Variants in MBOAT1 observed in about 807,000 individuals in gnomAD.
MBOAT1 encodes the protein membrane-bound glycerophospholipid O-acyltransferase 1.
Under a neutral mutation model 64.4 loss-of-function variants are expected in MBOAT1, and 67 were observed. That is an observed-to-expected ratio of 1.04 (90% CI 0.85 to 1.27). The LOEUF (loss-of-function observed/expected upper bound fraction) is 1.27. Among genes scored for constraint, MBOAT1 ranks in the 50% most tolerant of loss-of-function variants. The pLI is 0.00. For missense variants in MBOAT1, 563 were observed against 604.6 expected, an observed-to-expected ratio of 0.93 and a Z score of 0.72; for synonymous variants, 229 against 218.9, an observed-to-expected ratio of 1.05 and a Z score of -0.41.
intron 1 of MBOAT1, among the ~76,000 whole-genome samples, chr6:20,170,187 T>C (rs941835586): frequency 1.3e-5 from 2 of 152,212 alleles, no homozygotes; most frequent in Non-Finnish European, 2.9e-5. Context: ...TGCTATGCCA[T>C]GTTACATGCC....
At chr6:20,204,551 T>C (rs936595334) in intron 1 of MBOAT1, among the ~76,000 whole-genome samples, 2 of 152,026 alleles carry the variant, frequency 1.3e-5, no homozygotes, top group African/African-American at 2.4e-5. Context: ...AAGGGGTCCA[T>C]TTGGCCCTGG....
chr6:20,208,825 C>G (rs755538691), intron 1 of MBOAT1, among the ~76,000 whole-genome samples: 1 of 152,180 alleles, frequency 6.6e-6, no homozygotes, highest in Non-Finnish European at 1.5e-5. Flanking sequence ...TTTCCAACCA[C>G]CAAATTGGAA....
intron 1 of MBOAT1, among the ~76,000 whole-genome samples, chr6:20,189,137 C>T (rs1044615538): frequency 6.6e-6 from 1 of 152,250 alleles, no homozygotes; most frequent in East Asian, 1.9e-4. Context: ...GGACATTTTG[C>T]ACCCCCTAAG....
At position 20,144,206 on chromosome 6, in the gene MBOAT1, T is replaced by C. The variant is rs1335999584; in HGVS notation, c.419+14A>G. 1.9e-6 allele frequency: 3 copies of C among 1,566,746 alleles called. No homozygotes were observed. The highest frequency in any genetic ancestry group is 1.7e-4 in the Middle Eastern group (1 of 5,948). On this transcript the variant is annotated intron_variant, in intron 4 of 12. Transcript: ENST00000324607. ...TCAGCAGTAAAACCCCTCTCTCTAATGTAAGATACTTACCCAGAAAAATCC... is the reference window on the plus strand; with the variant it reads ...TCAGCAGTAAAACCCCTCTCTCTAACGTAAGATACTTACCCAGAAAAATCC...
chr6:20,176,466 C>A (rs571304948), intron 1 of MBOAT1, among the ~76,000 whole-genome samples: 1 of 151,990 alleles, frequency 6.6e-6, no homozygotes, highest in South Asian at 2.1e-4. Flanking sequence ...GGTCCACTAC[C>A]CACCTTCTTC....
intron 1 of MBOAT1, among the ~76,000 whole-genome samples, chr6:20,183,235 A>T (rs1162703355): frequency 3.9e-5 from 6 of 152,238 alleles, no homozygotes; most frequent in African/African-American, 1.4e-4. Context: ...TGGAAAAAAA[A>T]ATATGTTTAC....
At chr6:20,137,742 A>T (rs368202434) in intron 4 of MBOAT1, among the ~76,000 whole-genome samples, 20 of 146,322 alleles carry the variant, frequency 1.4e-4, no homozygotes, top group Non-Finnish European at 2.7e-4. Context: ...ACACACACAC[A>T]CGTTGTTTAA....
rs1554118882 is a variant in MBOAT1 at position 20,152,340 on chromosome 6, A to AAAAAT, written c.245+283_245+284insATTTT. ...AGACTCCGTCTCAAAAAAAAAAAAT[A>AAAAAT]AAAAATAAATAAATAAATAAATAAA... On this transcript the variant is annotated intron_variant, in intron 2 of 12. Coordinates refer to ENST00000324607, the MANE Select transcript of MBOAT1 (RefSeq NM_001080480.3). 1.8e-3 allele frequency among the ~76,000 whole-genome samples: 34 copies of AAAAAT among 19,304 alleles called. 1 individual carries two copies. In the South Asian group the frequency reaches 0.05, roughly 29 times the overall value. The allele number at this position is 19,304 out of a possible 152,430, so 12.7% of individuals were successfully genotyped here.
chr6:20,144,237 G>A lies in MBOAT1; in HGVS notation c.402C>T (p.Leu134=), dbSNP rs763931686. Residue 134 remains leucine (L), a synonymous_variant, in exon 4 of 13, where the codon CTC becomes CTT. Transcript: ENST00000324607. ...ATACTTACCCAGAAAAATCCGTAGTGAGAATTCCATAGTGGAAGATGTATA... is the reference window on the plus strand; with the variant it reads ...ATACTTACCCAGAAAAATCCGTAGTAAGAATTCCATAGTGGAAGATGTATA... The part of the protein sequence containing the change: ...SRIYIFHYGI[L]TTDFSGPLMI... 1 of 1,610,880 alleles carries A rather than the reference G, an allele frequency of 6.2e-7. No homozygotes were observed.
At chr6:20,198,671 G>A (rs1763032438) in intron 1 of MBOAT1, among the ~76,000 whole-genome samples, 1 of 152,074 alleles carries the variant, frequency 6.6e-6, no homozygotes, top group Non-Finnish European at 1.5e-5. Context: ...TTTGCAGCAG[G>A]GAACCAAATC....
At chr6:20,168,621 GAGAAGAGAAGAGAAGAGAA>G (rs1425118706) in intron 1 of MBOAT1, among the ~76,000 whole-genome samples, 6 of 127,570 alleles carry the variant, frequency 4.7e-5, no homozygotes, top group Non-Finnish European at 8.5e-5. Flanking sequence ...GAGAAGAGAA[GAGAAGAGAAGAGAAGAGAA>G]GAGAGGAGAG....
chr6:20,123,930 C>A (rs567589579), intron 8 of MBOAT1, among the ~76,000 whole-genome samples: 11 of 152,144 alleles, frequency 7.2e-5, no homozygotes, highest in African/African-American at 2.6e-4. Flanking sequence ...TGGTGGCGGA[C>A]GCCTGTAGTC....
At chr6:20,139,546 CTTTTTTTT>C (rs70990010) in intron 4 of MBOAT1, among the ~76,000 whole-genome samples, 4 of 69,186 alleles carry the variant, frequency 5.8e-5, no homozygotes, top group Non-Finnish European at 7.9e-5. Context: ...ACATTTTAAC[CTTTTTTTT>C]TTTTTTTTTT....
rs79883865 is a variant in MBOAT1 at position 20,175,230 on chromosome 6, T to C, written c.100-22461A>G. On this transcript the variant is annotated intron_variant, in intron 1 of 12. Coordinates refer to ENST00000324607, the MANE Select transcript of MBOAT1 (RefSeq NM_001080480.3). ...CCTTTAGCATAGACACTGCTTCTTT[T>C]TAAGTCAAGTATTTTAAGCTCCGGT... Among the ~76,000 whole-genome samples the C allele has an allele frequency of 2.8e-4, 42 of 152,292 alleles. 1 individual carries two copies. The East Asian group carries it at 7.5e-3, about 27-fold the overall frequency.
intron 1 of MBOAT1, among the ~76,000 whole-genome samples, chr6:20,205,546 C>T (rs1449598658): frequency 6.6e-6 from 1 of 152,146 alleles, no homozygotes; most frequent in Non-Finnish European, 1.5e-5. Flanking sequence ...TAGACTGTGA[C>T]ACCAGTCAGC....
intron 8 of MBOAT1, among the ~76,000 whole-genome samples, 160 bp downstream of exon 8, chr6:20,124,248 A>C (rs1024746247): frequency 6.6e-6 from 1 of 152,054 alleles, no homozygotes; most frequent in Admixed American, 6.6e-5. Flanking sequence ...GGTGGGAGAG[A>C]GGAGTGCTAT....
intron 1 of MBOAT1, among the ~76,000 whole-genome samples, chr6:20,162,646 C>T (rs535238746): frequency 2.0e-5 from 3 of 152,298 alleles, no homozygotes; most frequent in African/African-American, 7.2e-5. Context: ...TGACAACTCT[C>T]GATGTGCTAC....
intron 1 of MBOAT1, among the ~76,000 whole-genome samples, chr6:20,172,919 G>C (rs901086024): frequency 8.6e-5 from 13 of 151,934 alleles, no homozygotes; most frequent in Non-Finnish European, 1.9e-4. Context: ...CCTGGTGGGA[G>C]GTGGCTGGAA....
chr6:20,128,936 G>A (rs796729642), intron 5 of MBOAT1, among the ~76,000 whole-genome samples, 183 bp from the exon 6 acceptor site: 29 of 151,992 alleles, frequency 1.9e-4, no homozygotes, highest in African/African-American at 5.3e-4. Context: ...ATAAGTACAC[G>A]TGTGAGAAGC....
Sources: gnomAD v4.1 joint callset for allele counts (sites outside exome capture counted in the v4.1 genomes callset) on GRCh38, gnomAD v4.1.1 for gene constraint, MANE v1.5 for transcripts, NCBI Gene and HGNC (gene_info 2026-07-23, HGNC 2026-07-21) for gene names.